CDK14: variants seen among roughly 807,000 people sequenced by gnomAD.
CDK14 encodes the protein cyclin-dependent kinase 14.
In CDK14, 34 loss-of-function variants were observed where a neutral mutation model predicts 60.7. That is an observed-to-expected ratio of 0.56 (90% CI 0.43 to 0.75). CDK14 has a LOEUF of 0.75. CDK14 is among the 30% of genes least tolerant of loss of function. The pLI, the probability that CDK14 is intolerant of heterozygous loss-of-function variation, is 0.00. For missense variants in CDK14, 482 were observed against 564.1 expected, an observed-to-expected ratio of 0.85 and a Z score of 1.47; for synonymous variants, 197 against 203.7, an observed-to-expected ratio of 0.97 and a Z score of 0.28.
chr7:90,762,039 G>A (rs919264662), intron 4 of CDK14, among the ~76,000 whole-genome samples: 16 of 152,156 alleles, frequency 1.1e-4, no homozygotes, highest in Non-Finnish European at 2.1e-4. Context: ...AATTAAGACC[G>A]AGAGTAGTGG....
At chr7:90,947,078 TC>T in intron 8 of CDK14, among the ~76,000 whole-genome samples, 1 of 152,302 alleles carries the variant, frequency 6.6e-6, no homozygotes, top group Middle Eastern at 3.4e-3. Context: ...TTAACGATTT[TC>T]TCTTTTCTTC....
chr7:90,709,841 A>G (rs1017977090), intron 2 of CDK14: 1 of 1,396,414 alleles, frequency 7.2e-7, no homozygotes, highest in African/African-American at 1.5e-5. Flanking sequence ...TCAGCTTGCT[A>G]GTGCAGAAAG....
chr7:90,979,302 C>T (rs1795163841), intron 9 of CDK14: 2 of 152,168 alleles, frequency 1.3e-5, no homozygotes, highest in South Asian at 2.1e-4. Flanking sequence ...CTATTGTCCA[C>T]ATAGAGCCAT....
chr7:91,150,513 T>A (rs575403892), intron 14 of CDK14, among the ~76,000 whole-genome samples: 1 of 152,328 alleles, frequency 6.6e-6, no homozygotes, highest in East Asian at 1.9e-4. Flanking sequence ...TTTCTACATG[T>A]GTTCACACAC....
chr7:90,644,293 T>C (rs1029315243), intron 2 of CDK14, among the ~76,000 whole-genome samples: 1 of 152,236 alleles, frequency 6.6e-6, no homozygotes, highest in African/African-American at 2.4e-5. Context: ...AAAACAGTCA[T>C]AATGATAATA....
chr7:91,057,160 T>G (rs566493780), intron 11 of CDK14, among the ~76,000 whole-genome samples: 228 of 152,334 alleles, frequency 1.5e-3, no homozygotes, highest in African/African-American at 5.3e-3. Flanking sequence ...TGATGGCCAG[T>G]GATGATGAGC....
At chr7:90,614,379 C>G (rs1799608549) in intron 2 of CDK14, among the ~76,000 whole-genome samples, 1 of 152,204 alleles carries the variant, frequency 6.6e-6, no homozygotes, top group African/African-American at 2.4e-5. Context: ...GATATTGGAA[C>G]CAGCAGTTTG....
chr7:91,097,566 A>T (rs1799030900), intron 12 of CDK14, among the ~76,000 whole-genome samples: 1 of 150,576 alleles, frequency 6.6e-6, no homozygotes, highest in African/African-American at 2.4e-5. Flanking sequence ...AGTGCTCTAG[A>T]ATCATCATGT....
chr7:90,829,788 C>T (rs1484194270), intron 5 of CDK14, among the ~76,000 whole-genome samples: 1 of 152,180 alleles, frequency 6.6e-6, no homozygotes, highest in African/African-American at 2.4e-5. Flanking sequence ...CCGCCTCGGC[C>T]TCCCAAAGTG....
At chr7:91,091,503 A>T (rs866366861) in intron 12 of CDK14, among the ~76,000 whole-genome samples, 3 of 128,354 alleles carry the variant, frequency 2.3e-5, no homozygotes, top group African/African-American at 6.3e-5. Flanking sequence ...TATATATTTT[A>T]TATATATATA....
intron 10 of CDK14, among the ~76,000 whole-genome samples, chr7:90,985,729 G>A (rs1489793474): frequency 6.6e-6 from 1 of 152,132 alleles, no homozygotes; most frequent in African/African-American, 2.4e-5. Context: ...CCTCTATGCA[G>A]TAGCCTATAT....
At chr7:90,783,930 T>C (rs1805456253) in intron 4 of CDK14, among the ~76,000 whole-genome samples, 1 of 152,022 alleles carries the variant, frequency 6.6e-6, no homozygotes, top group South Asian at 2.1e-4. Context: ...GGTGTATCTA[T>C]CCAAAGGAAA....
intron 10 of CDK14, among the ~76,000 whole-genome samples, chr7:91,024,111 A>AATG (rs59410115): frequency 0.18 from 26,720 of 149,252 alleles, 2,483 homozygotes; most frequent in Middle Eastern, 0.29. Flanking sequence ...ACCCATCCAA[A>AATG]ATGATGATGA....
chr7:90,993,556 T>C (rs1172017335), intron 10 of CDK14, among the ~76,000 whole-genome samples: 1 of 151,926 alleles, frequency 6.6e-6, no homozygotes, highest in East Asian at 1.9e-4. Flanking sequence ...CAATAAATGT[T>C]TTAGAGGAGA....
chr7:90,773,843 C>CCTCCTCTCCCCTCCTCTCCT (rs1804886975), intron 4 of CDK14, among the ~76,000 whole-genome samples: 1 of 78,660 alleles, frequency 1.3e-5, no homozygotes, highest in African/African-American at 5.2e-5. Flanking sequence ...TCTTCTCTTC[C>CCTCCTCTCCCCTCCTCTCCT]CTCCTCTCCT....
At chr7:90,825,804 A>G (rs1331704114) in intron 5 of CDK14, among the ~76,000 whole-genome samples, 1 of 152,168 alleles carries the variant, frequency 6.6e-6, no homozygotes, top group East Asian at 1.9e-4. Context: ...TGTATCGTAG[A>G]TCTACTTATT....
chr7:91,153,567 C>A (rs769494275), intron 14 of CDK14, among the ~76,000 whole-genome samples: 3 of 152,106 alleles, frequency 2.0e-5, no homozygotes, highest in Non-Finnish European at 2.9e-5. Flanking sequence ...AGAATGAGAT[C>A]ATGTCCTTTG....
At chr7:90,743,861 C>T (rs1377651244) in intron 3 of CDK14, among the ~76,000 whole-genome samples, 2 of 151,804 alleles carry the variant, frequency 1.3e-5, no homozygotes, top group Non-Finnish European at 2.9e-5. Flanking sequence ...TTCAGATTTA[C>T]TCTTTTTTAA....
chr7:90,964,272 C>A (rs1394537603), intron 9 of CDK14, among the ~76,000 whole-genome samples: 2 of 152,100 alleles, frequency 1.3e-5, no homozygotes, highest in Admixed American at 1.3e-4. Flanking sequence ...GGGGTTTTAA[C>A]ACAAGTGACT....
Sources: allele counts gnomAD v4.1 joint callset (sites outside exome capture counted in the v4.1 genomes callset), GRCh38; gene constraint gnomAD v4.1.1; transcripts MANE v1.5; gene names NCBI Gene and HGNC (gene_info 2026-07-23, HGNC 2026-07-21).